SLC25A48: variants seen among roughly 807,000 people sequenced by gnomAD.
The protein encoded by SLC25A48 is CTC-321K16.1.
SLC25A48 carries 29 observed loss-of-function variants against 32.2 expected under a neutral mutation model. The ratio of observed to expected loss-of-function variants is 0.90; its 90% CI spans 0.67 to 1.23. The LOEUF (loss-of-function observed/expected upper bound fraction) is 1.23. Ranked by LOEUF, SLC25A48 falls within the 50% of genes most tolerant of loss-of-function variation. SLC25A48 has a pLI of 0.00. For missense variants in SLC25A48, 399 were observed against 422.7 expected (o/e 0.94, Z 0.49); for synonymous variants, 164 against 172.3 (o/e 0.95, Z 0.38).
intron 3 of SLC25A48, among the ~76,000 whole-genome samples, chr5:135,710,165 A>G (rs1211218809): frequency 1.3e-5 from 2 of 152,212 alleles, no homozygotes; most frequent in Non-Finnish European, 1.5e-5. Context: ...TGGTAAATGC[A>G]GAGAGGGCTG....
intron 1 of SLC25A48, among the ~76,000 whole-genome samples, chr5:135,836,959 T>TCC (rs1300245224): frequency 0.013 from 313 of 24,650 alleles, 6 homozygotes; most frequent in African/African-American, 0.023. Context: ...TTTGATATTA[T>TCC]CCCCCCCCCC....
chr5:135,588,503 T>G (rs567626508), intron 1 of SLC25A48, among the ~76,000 whole-genome samples: 9 of 152,246 alleles, frequency 5.9e-5, no homozygotes, highest in Non-Finnish European at 1.3e-4. Flanking sequence ...GCAGGATGTC[T>G]GCAGGCCAGA....
chr5:135,787,509 C>T (rs981992766), intron 3 of SLC25A48, among the ~76,000 whole-genome samples: 6 of 151,912 alleles, frequency 3.9e-5, no homozygotes, highest in East Asian at 3.9e-4. Flanking sequence ...AGATGTATAA[C>T]CTGTTATATT....
At chr5:135,771,265 C>T (rs563026188) in intron 3 of SLC25A48, among the ~76,000 whole-genome samples, 27 of 151,374 alleles carry the variant, frequency 1.8e-4, no homozygotes, top group Middle Eastern at 6.8e-3. Flanking sequence ...CACCCCTCTG[C>T]GATATGGTTC....
At chr5:135,733,238 G>A (rs1245232138) in intron 3 of SLC25A48, among the ~76,000 whole-genome samples, 4 of 152,174 alleles carry the variant, frequency 2.6e-5, no homozygotes, top group South Asian at 2.1e-4. Context: ...TGCCTTTGCC[G>A]GTGAGTGGCG....
intron 3 of SLC25A48, among the ~76,000 whole-genome samples, chr5:135,781,217 G>T (rs1756709507): frequency 8.6e-6 from 1 of 116,704 alleles, no homozygotes; most frequent in African/African-American, 2.6e-5. Flanking sequence ...CACCCCCGCT[G>T]TGATATTGTT....
intron 3 of SLC25A48, among the ~76,000 whole-genome samples, chr5:135,699,556 C>T (rs933437995): frequency 3.3e-5 from 5 of 152,112 alleles, no homozygotes; most frequent in African/African-American, 7.2e-5. Context: ...AAAAAGGGCA[C>T]GAGGGAACTT....
intron 4 of SLC25A48, among the ~76,000 whole-genome samples, chr5:135,816,803 G>C (rs184322319): frequency 2.0e-4 from 31 of 152,224 alleles, no homozygotes; most frequent in Admixed American, 1.3e-3. Flanking sequence ...ATGATCCAAA[G>C]AGAAAGAGAA....
chr5:135,633,401 G>A (rs1474119322), intron 2 of SLC25A48, among the ~76,000 whole-genome samples: 1 of 151,804 alleles, frequency 6.6e-6, no homozygotes, highest in Non-Finnish European at 1.5e-5. Context: ...TAAGGGTGGG[G>A]TCCTAATTCA....
In SLC25A48 at chr5:135,883,236, G is replaced by A. The variant is rs145162292; in HGVS notation, c.*7+3139G>A. 3.2e-5 allele frequency: 32 copies of A among 985,434 alleles called. 1 individual carries two copies. The Admixed American group carries it at 4.9e-4, about 15-fold the overall frequency. The allele number at this position is 985,434 out of a possible 1,614,324, so 61.0% of individuals were successfully genotyped here. A position where few individuals can be genotyped will look rare whatever the true frequency, so the allele number is the denominator to read the frequency against. ...TCATCCCCACCCCGGCTGGGGCAGCGGAGCTTCTGCCTTGGAGGGATTCAA... is the reference window on the plus strand; with the variant it reads ...TCATCCCCACCCCGGCTGGGGCAGCAGAGCTTCTGCCTTGGAGGGATTCAA... On this transcript the variant is annotated intron_variant, in intron 7 of 7. Coordinates refer to ENST00000681962, the MANE Select transcript of SLC25A48 (RefSeq NM_001349336.2).
chr5:135,725,246 C>G (rs985320309), intron 3 of SLC25A48, among the ~76,000 whole-genome samples: 8 of 152,192 alleles, frequency 5.3e-5, no homozygotes, highest in African/African-American at 1.9e-4. Context: ...AAACATCTAT[C>G]TTAGCACGGA....
intron 3 of SLC25A48, among the ~76,000 whole-genome samples, chr5:135,740,073 T>A (rs1282476170): frequency 6.6e-6 from 1 of 152,172 alleles, no homozygotes; most frequent in Non-Finnish European, 1.5e-5. Flanking sequence ...GAAAGCAGAT[T>A]TCTTAGTGAG....
chr5:135,816,592 A>G (rs1757724659), intron 4 of SLC25A48, among the ~76,000 whole-genome samples: 1 of 152,246 alleles, frequency 6.6e-6, no homozygotes, highest in African/African-American at 2.4e-5. Context: ...ATAATCAATG[A>G]AGAATGACTA....
chr5:135,803,369 C>T (rs920390977), intron 3 of SLC25A48, among the ~76,000 whole-genome samples: 2 of 151,260 alleles, frequency 1.3e-5, no homozygotes, highest in African/African-American at 4.9e-5. Flanking sequence ...TAGGTGTACA[C>T]TCTGTGATAC....
At chr5:135,674,142 T>G (rs1273024095) in intron 3 of SLC25A48, among the ~76,000 whole-genome samples, 2 of 152,028 alleles carry the variant, frequency 1.3e-5, no homozygotes, top group African/African-American at 2.4e-5. Flanking sequence ...TAAAAACATT[T>G]TAATTGATTT....
chr5:135,752,026 A>G (rs1755782194), intron 3 of SLC25A48, among the ~76,000 whole-genome samples: 1 of 152,210 alleles, frequency 6.6e-6, no homozygotes, highest in Non-Finnish European at 1.5e-5. Flanking sequence ...ACAAAAATTT[A>G]CTCCAAATGG....
chr5:135,601,566 A>G (rs1425598648), intron 1 of SLC25A48, among the ~76,000 whole-genome samples: 1 of 152,080 alleles, frequency 6.6e-6, no homozygotes, highest in Admixed American at 6.5e-5. Context: ...ACTGGAACCC[A>G]TGGGTCACAC....
intron 1 of SLC25A48, among the ~76,000 whole-genome samples, chr5:135,593,044 T>G (rs1320476007): frequency 1.3e-5 from 2 of 152,092 alleles, no homozygotes; most frequent in Non-Finnish European, 2.9e-5. Context: ...CCACCAGAGC[T>G]CAGCAGGACC....
intron 3 of SLC25A48, among the ~76,000 whole-genome samples, chr5:135,803,934 G>C (rs1448929017): frequency 6.6e-6 from 1 of 151,546 alleles, no homozygotes; most frequent in African/African-American, 2.4e-5. Context: ...TGCACACGCT[G>C]TGTGTACACC....
Sources: allele counts gnomAD v4.1 joint callset (sites outside exome capture counted in the v4.1 genomes callset), GRCh38; gene constraint gnomAD v4.1.1; transcripts MANE v1.5; gene names NCBI Gene and HGNC (gene_info 2026-07-23, HGNC 2026-07-21).